The following PDE10A variants were observed in gnomAD, a reference collection of about 807,000 sequenced individuals.
PDE10A encodes the protein phosphodiesterase 10A, also known as cAMP and cAMP-inhibited cGMP 3',5'-cyclic phosphodiesterase 10A.
PDE10A carries 39 observed loss-of-function variants against 97.7 expected under a neutral mutation model. The ratio of observed to expected loss-of-function variants is 0.40; its 90% confidence interval spans 0.31 to 0.52. The LOEUF (loss-of-function observed/expected upper bound fraction) is 0.52. PDE10A is among the 20% of genes least tolerant of loss of function. The pLI is 0.56. For missense variants in PDE10A, 731 were observed against 1,047.8 expected (o/e 0.70, Z 4.17); for synonymous variants, 371 against 376.8 (o/e 0.98, Z 0.18).
At chr6:165,601,243 C>A (rs2983532) in intron 1 of PDE10A, among the ~76,000 whole-genome samples, 2 of 152,026 alleles carry the variant, frequency 1.3e-5, no homozygotes, top group African/African-American at 4.8e-5. Context: ...GCCTCCTCAG[C>A]CACGTGGAAC....
intron 1 of PDE10A, chr6:165,775,272 A>G (rs1477532584): frequency 6.6e-6 from 1 of 152,234 alleles, no homozygotes; most frequent in Non-Finnish European, 1.5e-5. Context: ...CGGTGATATC[A>G]TAATCACCAT....
rs561312266 is a variant in PDE10A at position 165,482,264 on chromosome 6, C to A, written c.1023+51G>T. Reference sequence around the variant, plus strand: ...TTAGAGTACTGAGAGATAAACAAAACAGATTCATTTCCTATACTGCAGTAG... The same window carrying A: ...TTAGAGTACTGAGAGATAAACAAAAAAGATTCATTTCCTATACTGCAGTAG... On this transcript the variant is annotated intron_variant, in intron 3 of 21. Transcript: ENST00000539869. 8.7e-5 allele frequency: 109 copies of A among 1,248,248 alleles called. 1 individual carries two copies. The highest frequency in any genetic ancestry group is 1.5e-5 in the African/African-American group (1 of 67,602). The allele number at this position is 1,248,248 out of a possible 1,614,324, so 77.3% of individuals were successfully genotyped here. A position where few individuals can be genotyped will look rare whatever the true frequency, so the allele number is the denominator to read the frequency against.
Position 165,659,458 on chromosome 6 carries a change from G to A in PDE10A, c.865+2489C>T. Among the ~76,000 whole-genome samples, 2 of 152,192 alleles carry A rather than the reference G, an allele frequency of 1.3e-5. 1 individual carries two copies. The highest frequency in any genetic ancestry group is 2.9e-5 in the Non-Finnish European group (2 of 68,038). ...ATTCAGACCAGTGGCTTGTCAGGCA[G>A]CAACAGACAGAAACAAAGACCCAAA... On this transcript the variant is annotated intron_variant, in intron 1 of 21. Coordinates refer to ENST00000539869, the MANE Select transcript of PDE10A (RefSeq NM_001385079.1).
At chr6:165,895,539 C>A (rs1237650223) in intron 1 of PDE10A, among the ~76,000 whole-genome samples, 1 of 152,216 alleles carries the variant, frequency 6.6e-6, no homozygotes, top group Non-Finnish European at 1.5e-5. Context: ...AGCCACCTGG[C>A]TGTGGCCCTT....
intron 1 of PDE10A, among the ~76,000 whole-genome samples, chr6:165,896,516 A>G (rs1389751449): frequency 7.6e-6 from 1 of 131,208 alleles, no homozygotes; most frequent in Admixed American, 8.5e-5. Flanking sequence ...ACAACACGCC[A>G]GCTAATTTTT....
At chr6:165,862,276 C>T (rs1008431747) in intron 1 of PDE10A, among the ~76,000 whole-genome samples, 1 of 152,118 alleles carries the variant, frequency 6.6e-6, no homozygotes, top group Non-Finnish European at 1.5e-5. Flanking sequence ...TTGTTTTAAA[C>T]GTCACAAATT....
intron 1 of PDE10A, among the ~76,000 whole-genome samples, chr6:165,567,491 T>A (rs1784831733): frequency 6.6e-6 from 1 of 152,184 alleles, no homozygotes; most frequent in African/African-American, 2.4e-5. Flanking sequence ...ATGTTTATTG[T>A]CCTATGCCTT....
intron 2 of PDE10A, among the ~76,000 whole-genome samples, chr6:165,482,991 A>T (rs1208761312): frequency 1.3e-5 from 2 of 152,194 alleles, no homozygotes; most frequent in Non-Finnish European, 2.9e-5. Flanking sequence ...GCTACAGGCA[A>T]GAAGATGCCT....
rs77674887 is a variant in PDE10A, at chr6:165,480,200, G to C, written c.1023+2115C>G. 6.6e-4 allele frequency among the ~76,000 whole-genome samples: 101 copies of C among 152,236 alleles called. No homozygotes were observed. In the East Asian group the frequency reaches 0.011, roughly 16 times the overall value. On this transcript the variant is annotated intron_variant, in intron 3 of 21. Transcript: ENST00000539869. ...CATAACATAATCCCTATACTCAAAG[G>C]GTTTGGATACGAAATAAAAGTCAAA...
chr6:165,588,152 C>A (rs1435863645), intron 1 of PDE10A, among the ~76,000 whole-genome samples: 4 of 151,970 alleles, frequency 2.6e-5, no homozygotes, highest in African/African-American at 9.7e-5. Flanking sequence ...ACCTTTCAAA[C>A]TAAGTTATTC....
intron 13 of PDE10A, 148 bp from the exon 14 acceptor site, chr6:165,396,607 T>A (rs1252457353): frequency 7.1e-6 from 5 of 708,984 alleles, no homozygotes; most frequent in Non-Finnish European, 1.1e-5. Context: ...CCATATGCAC[T>A]GGGATGTGCA....
At chr6:165,374,550 T>G (rs1314093237) in intron 18 of PDE10A, among the ~76,000 whole-genome samples, 1 of 151,946 alleles carries the variant, frequency 6.6e-6, no homozygotes, top group Non-Finnish European at 1.5e-5. Flanking sequence ...TAAACAAACA[T>G]AAAAAAATCT....
At chr6:165,527,667 T>C (rs1782529212) in intron 2 of PDE10A, among the ~76,000 whole-genome samples, 1 of 152,118 alleles carries the variant, frequency 6.6e-6, no homozygotes, top group Non-Finnish European at 1.5e-5. Context: ...ATAAAGTGGG[T>C]CATGCACAGC....
At chr6:165,816,036 G>A (rs565483083) in intron 1 of PDE10A, among the ~76,000 whole-genome samples, 1 of 151,800 alleles carries the variant, frequency 6.6e-6, no homozygotes, top group East Asian at 1.9e-4. Flanking sequence ...TGCAAGCTCT[G>A]CCTCCCGGAT....
At chr6:165,413,827 T>A in intron 12 of PDE10A, 140 bp from the exon 13 acceptor site, 1 of 622,684 alleles carries the variant, frequency 1.6e-6, no homozygotes, top group Non-Finnish European at 2.8e-6. Flanking sequence ...ACTTTTAGCT[T>A]CTACATTCAG....
intron 1 of PDE10A, among the ~76,000 whole-genome samples, chr6:165,909,525 C>A (rs1414248714): frequency 6.6e-6 from 1 of 152,184 alleles, no homozygotes; most frequent in Non-Finnish European, 1.5e-5. Context: ...TGGCCTGATA[C>A]GTCACAGAGG....
At chr6:165,760,267 G>C (rs2128457805) in intron 1 of PDE10A, among the ~76,000 whole-genome samples, 1 of 152,224 alleles carries the variant, frequency 6.6e-6, no homozygotes, top group South Asian at 2.1e-4. Context: ...TACACTATCT[G>C]GCAAGCCTAG....
At position 165,432,958 on chromosome 6, in the gene PDE10A, C is replaced by G; in HGVS notation, c.1491+16G>C. Reference sequence around the variant, plus strand: ...TACAACTAAAAATTCTAACATGCAGCATTTAAAGGCCTTACCTCCTGGTGA... The same window carrying G: ...TACAACTAAAAATTCTAACATGCAGGATTTAAAGGCCTTACCTCCTGGTGA... On this transcript the variant is annotated intron_variant, in intron 7 of 21. Transcript: ENST00000539869. 6.2e-7 allele frequency: 1 copy of G among 1,606,746 alleles called. No individual in the cohort carries two copies. Among genetic ancestry groups the G allele is most frequent in the Non-Finnish European group, 8.5e-7 (1 of 1,175,328 alleles).
At chr6:165,621,771 A>AGAAGAAGAAGAAGAAGAAGAAG (rs1554297070) in intron 1 of PDE10A, among the ~76,000 whole-genome samples, 14 of 134,788 alleles carry the variant, frequency 1.0e-4, no homozygotes, top group African/African-American at 3.8e-4. Flanking sequence ...AAGAAAAAAA[A>AGAAGAAGAAGAAGAAGAAGAAG]AAGAAGAAGA....
Sources: gnomAD v4.1 joint callset for allele counts (sites outside exome capture counted in the v4.1 genomes callset) on GRCh38, gnomAD v4.1.1 for gene constraint, MANE v1.5 for transcripts, NCBI Gene and HGNC (gene_info 2026-07-23, HGNC 2026-07-21) for gene names.